Variants in TRAPPC9 observed in about 807,000 individuals in gnomAD.
The protein encoded by TRAPPC9 is trafficking protein particle complex subunit 9.
In TRAPPC9, 83 loss-of-function variants were observed where a neutral mutation model predicts 124.0. The observed-to-expected ratio is 0.67, with a 90% CI of 0.56 to 0.80. The LOEUF is 0.80. TRAPPC9 is among the 30% of genes least tolerant of loss of function. The pLI, the probability that TRAPPC9 is intolerant of heterozygous loss-of-function variation, is 0.00. For synonymous variants in TRAPPC9, 638 were observed against 617.5 expected, an observed-to-expected ratio of 1.03 and a Z score of -0.49; for missense variants, 1,302 against 1,508.3, an observed-to-expected ratio of 0.86 and a Z score of 2.27.
chr8:140,071,604 T>G (rs891650038), intron 17 of TRAPPC9, among the ~76,000 whole-genome samples: 2 of 152,158 alleles, frequency 1.3e-5, no homozygotes, highest in African/African-American at 4.8e-5. Context: ...GGTGCCTGCC[T>G]CTGGAACCCT....
intron 21 of TRAPPC9, among the ~76,000 whole-genome samples, chr8:139,756,443 G>T (rs1157192511): frequency 2.3e-5 from 3 of 131,532 alleles, no homozygotes; most frequent in Admixed American, 1.5e-4. Context: ...TGGGGATGAG[G>T]ACAGCAGGTC....
At chr8:140,193,490 A>T (rs2131096689) in intron 17 of TRAPPC9, among the ~76,000 whole-genome samples, 1 of 152,248 alleles carries the variant, frequency 6.6e-6, no homozygotes, top group South Asian at 2.1e-4. Flanking sequence ...TGAGCTGAAA[A>T]CATATACTAG....
chr8:140,349,132 A>T (rs2067444027), intron 9 of TRAPPC9, among the ~76,000 whole-genome samples: 1 of 107,592 alleles, frequency 9.3e-6, no homozygotes, highest in Admixed American at 1.1e-4. Context: ...GCACGAGGGA[A>T]GGGAAGGGCA....
intron 15 of TRAPPC9, among the ~76,000 whole-genome samples, chr8:140,258,255 G>A (rs150547970): frequency 4.6e-5 from 7 of 152,358 alleles, no homozygotes; most frequent in African/African-American, 9.6e-5. Context: ...AAAAGAGGGA[G>A]GGTGACCCTG....
chr8:140,125,093 C>A (rs1024530545), intron 17 of TRAPPC9, among the ~76,000 whole-genome samples: 1 of 152,320 alleles, frequency 6.6e-6, no homozygotes, highest in East Asian at 1.9e-4. Context: ...CACCTCCTCA[C>A]GGGGCTGCGA....
At chr8:139,988,654 C>T (rs1837417296) in intron 19 of TRAPPC9, 72 bp downstream of exon 19, 1 of 1,049,900 alleles carries the variant, frequency 9.5e-7, no homozygotes. Context: ...GGATTATCTC[C>T]ACACCCTCCC....
In TRAPPC9 at chr8:139,800,616, T is replaced by G. The variant is rs986756105; in HGVS notation, c.3056-68414A>C. On this transcript the variant is annotated intron_variant, in intron 21 of 22. Transcript: ENST00000438773. The stretch of plus-strand genomic sequence containing the variant: ...CTACCACTGCCCCAGAAGGCAGGTT[T>G]TTCATCTGTATGGAGACGGGACTCC... Among the ~76,000 whole-genome samples, 9 of 152,182 alleles carry G rather than the reference T, an allele frequency of 5.9e-5. No individual in the cohort carries two copies. The East Asian group carries it at 9.6e-4, about 16-fold the overall frequency.
chr8:140,337,224 C>T (rs2067067044), intron 9 of TRAPPC9, among the ~76,000 whole-genome samples: 2 of 152,196 alleles, frequency 1.3e-5, no homozygotes. Context: ...AATGATCCCT[C>T]TAACCATGAT....
chr8:140,320,491 C>A, intron 9 of TRAPPC9, among the ~76,000 whole-genome samples: 1 of 152,280 alleles, frequency 6.6e-6, no homozygotes. Context: ...GGGGAGGCCA[C>A]GCCAAACGTC....
At chr8:140,238,889 C>T (rs1425212523) in intron 16 of TRAPPC9, among the ~76,000 whole-genome samples, 1 of 152,192 alleles carries the variant, frequency 6.6e-6, no homozygotes, top group African/African-American at 2.4e-5. Context: ...CCCGTGCTGA[C>T]GCCGGGGCTC....
intron 21 of TRAPPC9, among the ~76,000 whole-genome samples, chr8:139,844,720 GTC>G (rs1348418003): frequency 6.6e-6 from 1 of 152,398 alleles, no homozygotes; most frequent in East Asian, 1.9e-4. Flanking sequence ...CTTTGGGACA[GTC>G]TGGGGAAAAT....
At chr8:140,184,080 C>T (rs1258041860) in intron 17 of TRAPPC9, among the ~76,000 whole-genome samples, 1 of 151,936 alleles carries the variant, frequency 6.6e-6, no homozygotes, top group African/African-American at 2.4e-5. Context: ...CTGCCAATGT[C>T]AGCAGTCGTG....
intron 21 of TRAPPC9, among the ~76,000 whole-genome samples, chr8:139,844,012 G>C (rs1341707416): frequency 1.3e-5 from 2 of 152,208 alleles, no homozygotes; most frequent in Non-Finnish European, 2.9e-5. Flanking sequence ...ATCTCGTCCT[G>C]TCCTCCCCAC....
intron 9 of TRAPPC9, among the ~76,000 whole-genome samples, chr8:140,355,864 T>C (rs1425672134): frequency 6.6e-6 from 1 of 152,264 alleles, no homozygotes; most frequent in Non-Finnish European, 1.5e-5. Context: ...TGTGACCTGT[T>C]ATAAAATGTC....
chr8:139,815,548 T>C (rs540459975), intron 21 of TRAPPC9, among the ~76,000 whole-genome samples: 1 of 152,252 alleles, frequency 6.6e-6, no homozygotes, highest in South Asian at 2.1e-4. Flanking sequence ...CCACCACACC[T>C]GGCTGCCTAA....
intron 17 of TRAPPC9, among the ~76,000 whole-genome samples, chr8:140,065,010 A>T (rs1394507532): frequency 6.6e-6 from 1 of 152,234 alleles, no homozygotes; most frequent in African/African-American, 2.4e-5. Context: ...TAATGAGCAC[A>T]GACTTCGCCC....
rs371443013 is a variant in TRAPPC9 at position 140,196,652 on chromosome 8, A to G, written c.2556+24807T>C. ...CTCAACAATCCACTGTACAGATCACACCTGTAACACTAAAACACACTCAAC... is the reference window on the plus strand; with the variant it reads ...CTCAACAATCCACTGTACAGATCACGCCTGTAACACTAAAACACACTCAAC... On this transcript the variant is annotated intron_variant, in intron 17 of 22. Transcript: ENST00000438773. Among the ~76,000 whole-genome samples the G allele has an allele frequency of 3.9e-3, 597 of 152,014 alleles. 4 individuals carry two copies. Among genetic ancestry groups the G allele is most frequent in the Non-Finnish European group, 6.6e-3 (446 of 68,020 alleles).
At chr8:140,235,912 C>T (rs1463696327) in intron 16 of TRAPPC9, among the ~76,000 whole-genome samples, 3 of 151,960 alleles carry the variant, frequency 2.0e-5, no homozygotes, top group Non-Finnish European at 1.5e-5. Flanking sequence ...TAAAAAAGAA[C>T]AAATGCAACA....
intron 17 of TRAPPC9, among the ~76,000 whole-genome samples, chr8:140,030,898 T>C (rs1421988915): frequency 2.0e-5 from 3 of 152,170 alleles, no homozygotes; most frequent in Non-Finnish European, 4.4e-5. Flanking sequence ...TGGAGGGTGA[T>C]AAAAATATTC....
Sources: allele counts gnomAD v4.1 joint callset (sites outside exome capture counted in the v4.1 genomes callset), GRCh38; gene constraint gnomAD v4.1.1; transcripts MANE v1.5; gene names NCBI Gene and HGNC (gene_info 2026-07-23, HGNC 2026-07-21).